The following UBTF variants were observed in gnomAD, a reference collection of about 807,000 sequenced individuals.
The protein encoded by UBTF is nucleolar transcription factor 1.
A neutral mutation model predicts 112.3 loss-of-function variants in UBTF; 8 were observed. That is an observed-to-expected ratio of 0.07 (90% CI 0.04 to 0.13). The LOEUF is 0.13. Ranked by LOEUF, UBTF falls within the 10% of genes least tolerant of loss-of-function variation. UBTF has a pLI of 1.00. For missense variants in UBTF, 457 were observed against 982.1 expected, an observed-to-expected ratio of 0.47 and a Z score of 7.15; for synonymous variants, 417 against 373.1, an observed-to-expected ratio of 1.12 and a Z score of -1.36.
chr17:44,205,045 T>C lies in UBTF; in HGVS notation c.*2197A>G, dbSNP rs1164956562. ...GACCAGACAGCAGTCAAACCTTTGT[T>C]TTTCACTTTATTATACAAAAAAGGG... On this transcript the variant is annotated 3_prime_UTR_variant, in exon 21 of 21. Transcript: ENST00000436088. 6.6e-6 allele frequency: 1 copy of C among 152,560 alleles called. No individual in the cohort carries two copies. Among genetic ancestry groups the C allele is most frequent in the East Asian group, 1.9e-4 (1 of 5,202 alleles). 9.5% of individuals were successfully genotyped at this position (152,560 alleles called of 1,614,324 possible).
At chr17:44,207,810 A>T (rs764777298) in intron 18 of UBTF, 40 bp from the exon 19 acceptor site, 2 of 1,614,006 alleles carry the variant, frequency 1.2e-6, no homozygotes, top group South Asian at 2.2e-5. Context: ...CATGAGTTCG[A>T]CACCCCTGAA....
upstream of UBTF, chr17:44,221,111 A>G (rs1019463366): frequency 6.6e-6 from 1 of 151,524 alleles, no homozygotes; most frequent in Non-Finnish European, 1.5e-5. Context: ...TTTTTTTTTT[A>G]AAGAAAAATG....
upstream of UBTF, among the ~76,000 whole-genome samples, chr17:44,220,521 A>G (rs58392387): frequency 0.34 from 51,358 of 150,452 alleles, 9,373 homozygotes; most frequent in East Asian, 0.7. Context: ...AAAACCCGAA[A>G]ACTAAAACCT....
upstream of UBTF, chr17:44,219,758 G>C (rs1471023371): frequency 6.5e-6 from 1 of 153,762 alleles, no homozygotes; most frequent in Non-Finnish European, 1.4e-5. Context: ...CGCCGCCGCA[G>C]CCTCAGCCGC....
upstream of UBTF, chr17:44,220,728 G>C (rs772016769): frequency 6.6e-6 from 1 of 151,710 alleles, no homozygotes; most frequent in South Asian, 2.1e-4. Context: ...CGCGGCTCCC[G>C]GGCTCACTTA....
Position 44,212,894 on chromosome 17 carries a change from G to T in UBTF, c.585C>A (p.Ile195=), listed in dbSNP as rs868837299. 1.9e-6 allele frequency: 3 copies of T among 1,613,982 alleles called. No individual in the cohort carries two copies. Among genetic ancestry groups the T allele is most frequent in the Middle Eastern group, 1.6e-4 (1 of 6,082 alleles). ...GCTGGGGGGTTTTGGGCTTCTCTGG[G>T]ATGTCCGATTTCTTGGCATTCTGGA... ...DLIQNAKKSD[I]PEKPKTPQQL... The change falls in exon 7 of 21, where the codon ATC becomes ATA. Residue 195 remains isoleucine, a synonymous_variant. Transcript: ENST00000436088.
intron 15 of UBTF, 129 bp downstream of exon 15, chr17:44,209,995 G>A (rs2056548257): frequency 1.5e-5 from 15 of 1,007,270 alleles, no homozygotes; most frequent in Middle Eastern, 2.8e-4. Flanking sequence ...AGAGACAGAG[G>A]TTCAGAGAAG....
At chr17:44,216,013 AG>A in intron 3 of UBTF, 24 bp from the exon 4 acceptor site, 1 of 1,602,516 alleles carries the variant, frequency 6.2e-7, no homozygotes, top group Non-Finnish European at 8.6e-7. Flanking sequence ...GGTGGGAGGA[AG>A]GGGAAGTTGG....
chr17:44,215,073 G>A (rs1183330806), intron 5 of UBTF, among the ~76,000 whole-genome samples: 1 of 150,734 alleles, frequency 6.6e-6, no homozygotes. Context: ...GGCCAGGAGG[G>A]ACAATGTGTG....
intron 17 of UBTF, 142 bp downstream of exon 17, chr17:44,209,210 G>A (rs1380086209): frequency 4.2e-5 from 35 of 823,972 alleles, no homozygotes; most frequent in Middle Eastern, 3.8e-4. Context: ...GATAGTGACC[G>A]TTATCCTGAA....
In UBTF at chr17:44,207,567, C is replaced by T. The variant is rs2056333822; in HGVS notation, c.2056G>A (p.Asp686Asn). 6.2e-7 allele frequency: 1 copy of T among 1,614,030 alleles called. No homozygotes were observed. The highest frequency in any genetic ancestry group is 1.7e-5 in the Admixed American group (1 of 59,998). Residue 686 changes from aspartate (D) to asparagine (N), a missense_variant, in exon 20 of 21, where the codon GAT (aspartate) becomes AAT (asparagine). By Grantham distance (23) the Asp-to-Asn change is conservative. Transcript: ENST00000436088. ...TCTTCTTCATCCTCGTCCTCGTCAT[C>T]CTCATCCTCTTCATCATCCTCCTCG... is the stretch of plus-strand genomic sequence containing the variant. The part of the protein sequence containing the change: ...ESEEDDEEDE[D>N]DEDEDEEEED...
Position 44,212,347 on chromosome 17 carries a change from G to A in UBTF, c.768C>T (p.Tyr256=), listed in dbSNP as rs762038579. Residue 256 remains tyrosine, a synonymous_variant, in exon 8 of 21, where the codon TAC becomes TAT. Transcript: ENST00000436088. ...AGGAGCGCAGCGGAAGCCTAACCTC[G>A]TACTCCTTCCGCTGCTCCAGGGCCT... The part of the protein sequence containing the change: ...IHKALEQRKE[Y]EEIMRDYIQK... 6.2e-6 allele frequency: 10 copies of A among 1,612,526 alleles called. No homozygotes were observed. The highest frequency in any genetic ancestry group is 3.3e-5 in the Admixed American group (2 of 59,982).
At chr17:44,212,283 G>T (rs959309235) in intron 8 of UBTF, 61 bp downstream of exon 8, 1 of 1,434,570 alleles carries the variant, frequency 7.0e-7, no homozygotes, top group African/African-American at 1.4e-5. Context: ...CGGTGGCCAC[G>T]GAGTCGGAGG....
chr17:44,218,766 C>A (rs567301353), intron 1 of UBTF, among the ~76,000 whole-genome samples: 25 of 151,214 alleles, frequency 1.7e-4, no homozygotes, highest in Non-Finnish European at 3.4e-4. Flanking sequence ...TTCCCCCCGC[C>A]TCCGCAACCC....
Position 44,216,516 on chromosome 17 carries a change from G to A in UBTF, c.234+13C>T, listed in dbSNP as rs370745203. On this transcript the variant is annotated intron_variant, in intron 3 of 20. Transcript: ENST00000436088. Reference sequence around the variant, plus strand: ...GGGGTATGTGTGTATGTCAGAAAAGGGGGATCAGTTACCTCATTAGAAATC... The same window carrying A: ...GGGGTATGTGTGTATGTCAGAAAAGAGGGATCAGTTACCTCATTAGAAATC... The A allele has an allele frequency of 4.3e-5, 70 of 1,613,674 alleles. No homozygotes were observed. The highest frequency in any genetic ancestry group is 5.0e-5 in the Non-Finnish European group (59 of 1,179,694).
At chr17:44,210,739 AG>A (rs1187492147) in intron 13 of UBTF, 52 bp downstream of exon 13, 2 of 1,545,304 alleles carry the variant, frequency 1.3e-6, no homozygotes. Flanking sequence ...CAAGGGGAAG[AG>A]GGGGCCCTGG....
rs762978612 is a variant in UBTF, at chr17:44,207,443, G to A, written c.2169+11C>T. On this transcript the variant is annotated intron_variant, in intron 20 of 20. Coordinates refer to ENST00000436088, the MANE Select transcript of UBTF (RefSeq NM_014233.4). ...CTCCCCTCCCCTCCCACTGTGCCCTGTCTGCCCCACCTCATCCCCATCCTC... is the reference window on the plus strand; with the variant it reads ...CTCCCCTCCCCTCCCACTGTGCCCTATCTGCCCCACCTCATCCCCATCCTC... 42 of 1,613,164 alleles carry A rather than the reference G, an allele frequency of 2.6e-5. No homozygotes were observed. Among genetic ancestry groups the A allele is most frequent in the Non-Finnish European group, 3.4e-5 (40 of 1,179,560 alleles).
Position 44,208,912 on chromosome 17 carries a change from C to G in UBTF, c.1905+440G>C, listed in dbSNP as rs945313184. 4.2e-5 allele frequency: 15 copies of G among 358,846 alleles called. No individual in the cohort carries two copies. The Admixed American group carries it at 5.3e-4, about 13-fold the overall frequency. The allele number at this position is 358,846 out of a possible 1,614,324, so 22.2% of individuals were successfully genotyped here. A position where few individuals can be genotyped will look rare whatever the true frequency, so the allele number is the denominator to read the frequency against. On this transcript the variant is annotated intron_variant, in intron 17 of 20. Transcript: ENST00000436088. Reference sequence around the variant, plus strand: ...TTAAAAGGGTGATAGTGGCTGCGGACGGTGGCTCAAGCCTGTAGTCCCAGT... The same window carrying G: ...TTAAAAGGGTGATAGTGGCTGCGGAGGGTGGCTCAAGCCTGTAGTCCCAGT...
chr17:44,210,564 A>G, intron 13 of UBTF, 91 bp from the exon 14 acceptor site: 3 of 1,450,024 alleles, frequency 2.1e-6, no homozygotes, highest in Non-Finnish European at 2.7e-6. Flanking sequence ...GCCGGCGGGC[A>G]GAAGCATGGG....
Sources: allele counts gnomAD v4.1 joint callset (sites outside exome capture counted in the v4.1 genomes callset), GRCh38; gene constraint gnomAD v4.1.1; transcripts MANE v1.5; gene names NCBI Gene and HGNC (gene_info 2026-07-23, HGNC 2026-07-21).